Variants in HSPA12A observed in about 807,000 individuals in gnomAD.
HSPA12A encodes the protein heat shock 70 kDa protein 12A.
Under a neutral mutation model 69.2 loss-of-function variants are expected in HSPA12A, and 28 were observed. The ratio of observed to expected loss-of-function variants is 0.40; its 90% confidence interval spans 0.30 to 0.55. The LOEUF is 0.55. Among genes scored for constraint, HSPA12A ranks in the 20% least tolerant of loss-of-function variants. The pLI, the probability that HSPA12A is intolerant of heterozygous loss-of-function variation, is 0.38. For synonymous variants in HSPA12A, 345 were observed against 370.5 expected (o/e 0.93, Z 0.79); for missense variants, 686 against 900.7 (o/e 0.76, Z 3.05).
intron 2 of HSPA12A, among the ~76,000 whole-genome samples, chr10:116,834,471 A>C (rs1282347376): frequency 6.6e-6 from 1 of 152,192 alleles, no homozygotes; most frequent in Non-Finnish European, 1.5e-5. Flanking sequence ...AGAAGGAGGA[A>C]GAGGACCAGT....
chr10:116,793,164 AAACTCT>A (rs1307144797), intron 2 of HSPA12A, among the ~76,000 whole-genome samples: 2 of 152,270 alleles, frequency 1.3e-5, no homozygotes, highest in African/African-American at 4.8e-5. Context: ...ACAATAAAGG[AAACTCT>A]AAAGGATGGA....
chr10:116,740,816 C>T (rs1851476634), intron 1 of HSPA12A, among the ~76,000 whole-genome samples: 1 of 151,788 alleles, frequency 6.6e-6, no homozygotes, highest in African/African-American at 2.4e-5. Flanking sequence ...AAATCCTATG[C>T]CCAACCTTGT....
Position 116,723,642 on chromosome 10 carries a change from T to C in HSPA12A, c.41-16357A>G, listed in dbSNP as rs1554884672. ...GGTGAGGTTAGGTGCTCAGGAAGCATGGGGCCTCCCCTGACATTCATTCCT... is the reference window on the plus strand; with the variant it reads ...GGTGAGGTTAGGTGCTCAGGAAGCACGGGGCCTCCCCTGACATTCATTCCT... On this transcript the variant is annotated intron_variant, in intron 1 of 11. Coordinates refer to ENST00000369209, the MANE Select transcript of HSPA12A (RefSeq NM_025015.3). The surrounding 1 kb of genome is among the most constrained non-coding windows in gnomAD (Gnocchi z 4.1). 1.3e-5 allele frequency among the ~76,000 whole-genome samples: 2 copies of C among 152,284 alleles called. No individual in the cohort carries two copies. The highest frequency in any genetic ancestry group is 6.5e-5 in the Admixed American group (1 of 15,294).
rs190912018 is a variant in HSPA12A, at chr10:116,798,185, G to A, written c.91+36750C>T. On this transcript the variant is annotated intron_variant, in intron 2 of 12. Transcript: ENST00000635765. ...CGGTAGAGGGGCGGGGCGGTGGGGC[G>A]GGGTGGGGCAGGGAGCAGGGGTGGC... is the stretch of plus-strand genomic sequence containing the variant. Among the ~76,000 whole-genome samples the A allele has an allele frequency of 7.4e-3, 1,126 of 151,452 alleles. 13 individuals are homozygous for A. The highest frequency in any genetic ancestry group is 0.025 in the African/African-American group (1,043 of 41,142).
At chr10:116,837,881 G>A (rs903780412) in intron 1 of HSPA12A, among the ~76,000 whole-genome samples, 34 of 151,948 alleles carry the variant, frequency 2.2e-4, no homozygotes, top group Non-Finnish European at 2.8e-4. Flanking sequence ...GAAGAATTAT[G>A]TTGATAGCCT....
intron 2 of HSPA12A, among the ~76,000 whole-genome samples, chr10:116,705,564 G>A (rs1850218112): frequency 6.6e-6 from 1 of 152,244 alleles, no homozygotes; most frequent in Non-Finnish European, 1.5e-5. Context: ...CACACGGCTA[G>A]TTACAGAAAT....
intron 6 of HSPA12A, among the ~76,000 whole-genome samples, chr10:116,688,821 T>C (rs1849652056): frequency 6.6e-6 from 1 of 152,176 alleles, no homozygotes; most frequent in South Asian, 2.1e-4. Flanking sequence ...TTAGGCAAAA[T>C]GCCCTTTGAT....
chr10:116,798,036 C>G (rs1844869473), intron 2 of HSPA12A, among the ~76,000 whole-genome samples: 1 of 137,688 alleles, frequency 7.3e-6, no homozygotes, highest in Non-Finnish European at 1.6e-5. Flanking sequence ...GAAGCTCTTA[C>G]AAGAACTATT....
chr10:116,815,264 A>C (rs1252458212), intron 2 of HSPA12A, among the ~76,000 whole-genome samples: 1 of 151,314 alleles, frequency 6.6e-6, no homozygotes, highest in Non-Finnish European at 1.5e-5. Context: ...AAAAAAAAAA[A>C]AAAAAAAAAA....
intron 2 of HSPA12A, among the ~76,000 whole-genome samples, chr10:116,776,833 C>T (rs1554891202): frequency 6.6e-6 from 1 of 152,096 alleles, no homozygotes; most frequent in Admixed American, 6.6e-5. Flanking sequence ...GATGTATATC[C>T]TTAAAAGTTT....
At chr10:116,834,988 C>T in exon 2 of HSPA12A, 3 of 1,231,640 alleles carry the variant, frequency 2.4e-6, no homozygotes, top group East Asian at 3.2e-5. Context: ...CTTTGCTTTA[C>T]ACCCACAGAA....
intron 2 of HSPA12A, among the ~76,000 whole-genome samples, chr10:116,781,005 C>T (rs1196105084): frequency 2.0e-5 from 3 of 152,214 alleles, no homozygotes; most frequent in Non-Finnish European, 4.4e-5. Context: ...TGATTCATGC[C>T]TGTAATCTCA....
rs533972868 is a variant in HSPA12A at position 116,783,564 on chromosome 10, C to G, written c.91+51371G>C. On this transcript the variant is annotated intron_variant, in intron 2 of 12. Coordinates refer to the HSPA12A transcript ENST00000635765. ...CCTGACCCACCGTCCCCACCCCAGT[C>G]CACTCTCTCCCGCTAGCCAGGGTGA... is the stretch of plus-strand genomic sequence containing the variant. 2.0e-5 allele frequency among the ~76,000 whole-genome samples: 3 copies of G among 152,310 alleles called. No individual in the cohort carries two copies. The East Asian group carries it at 5.8e-4, about 29-fold the overall frequency.
At chr10:116,782,998 A>C (rs529249982) in intron 2 of HSPA12A, among the ~76,000 whole-genome samples, 1 of 152,232 alleles carries the variant, frequency 6.6e-6, no homozygotes, top group Non-Finnish European at 1.5e-5. Context: ...CCAAGGCGAA[A>C]GAAGGGAAAT....
chr10:116,843,322 A>C (rs1845832719), intron 1 of HSPA12A, among the ~76,000 whole-genome samples: 1 of 152,228 alleles, frequency 6.6e-6, no homozygotes, highest in Non-Finnish European at 1.5e-5. Context: ...AATTCAATTC[A>C]GTCTGGATTC....
At chr10:116,754,659 A>G (rs1843789856) in intron 2 of HSPA12A, among the ~76,000 whole-genome samples, 1 of 152,250 alleles carries the variant, frequency 6.6e-6, no homozygotes. Context: ...AATATGCTCA[A>G]GAAGAAACAT....
At chr10:116,763,264 T>C (rs1844010025) in intron 2 of HSPA12A, among the ~76,000 whole-genome samples, 1 of 152,218 alleles carries the variant, frequency 6.6e-6, no homozygotes, top group Non-Finnish European at 1.5e-5. Flanking sequence ...GGCTTTGCTT[T>C]TCTATCTCAA....
intron 3 of HSPA12A, among the ~76,000 whole-genome samples, chr10:116,704,400 A>T (rs200700028): frequency 4.6e-5 from 7 of 150,970 alleles, no homozygotes; most frequent in South Asian, 2.1e-4. Context: ...CATAGGTGGG[A>T]ATTGAACAAT....
At chr10:116,798,551 T>C (rs1844884883) in intron 2 of HSPA12A, among the ~76,000 whole-genome samples, 1 of 151,926 alleles carries the variant, frequency 6.6e-6, no homozygotes, top group Non-Finnish European at 1.5e-5. Context: ...CACCCAAAAC[T>C]GGAGCCCCCA....
Sources: allele counts gnomAD v4.1 joint callset (sites outside exome capture counted in the v4.1 genomes callset), GRCh38; gene constraint gnomAD v4.1.1; non-coding constraint Gnocchi (gnomAD v3.1); transcripts MANE v1.5; gene names NCBI Gene and HGNC (gene_info 2026-07-23, HGNC 2026-07-21).